The following GRK1 variants were observed in gnomAD, a reference collection of about 807,000 sequenced individuals.
GRK1 encodes the protein rhodopsin kinase GRK1.
A neutral mutation model predicts 41.7 loss-of-function variants in GRK1; 28 were observed. That is an observed-to-expected ratio of 0.67 (90% confidence interval 0.50 to 0.92). GRK1 has a LOEUF of 0.92. GRK1 is among the 40% of genes least tolerant of loss of function. The pLI is 0.00. For missense variants in GRK1, 703 were observed against 671.2 expected (o/e 1.05, Z -0.52); for synonymous variants, 327 against 286.7 (o/e 1.14, Z -1.42).
chr13:113,730,037 G>A (rs1323922337), intron 4 of GRK1, among the ~76,000 whole-genome samples: 1 of 141,534 alleles, frequency 7.1e-6, no homozygotes, highest in Middle Eastern at 4.0e-3. Context: ...CCCCGTGGCT[G>A]CACCCAGACC....
chr13:113,733,745 A>T (rs1435343501), intron 6 of GRK1, among the ~76,000 whole-genome samples: 1 of 106,636 alleles, frequency 9.4e-6, no homozygotes, highest in Non-Finnish European at 2.0e-5. Context: ...GTATGTGTGC[A>T]TACATGTGTG....
intron 6 of GRK1, among the ~76,000 whole-genome samples, chr13:113,733,656 T>C (rs1388993761): frequency 4.1e-5 from 4 of 98,652 alleles, no homozygotes; most frequent in African/African-American, 1.7e-4. Context: ...TGCATACGTG[T>C]GTGTGCGTGT....
the GRK1 span, chr13:113,652,856 A>G: frequency 1.2e-6 from 2 of 1,613,112 alleles, no homozygotes; most frequent in Non-Finnish European, 1.7e-6. Flanking sequence ...CGTGTGAAGG[A>G]GACCCTCAGT....
the GRK1 span, among the ~76,000 whole-genome samples, chr13:113,655,909 G>A: frequency 2.0e-3 from 301 of 152,370 alleles, no homozygotes; most frequent in African/African-American, 6.8e-3. Context: ...AGAGGCTGTG[G>A]CCTGTGGACT....
the GRK1 span, among the ~76,000 whole-genome samples, chr13:113,657,492 G>A: frequency 6.6e-6 from 1 of 152,226 alleles, no homozygotes; most frequent in Non-Finnish European, 1.5e-5. Context: ...CCGCGCCTCT[G>A]TGCAGCCACG....
Position 113,736,815 on chromosome 13 carries a change from T to G in GRK1, c.*1452T>G, listed in dbSNP as rs1195039871. ...CCCGTGAGCCTTGGGGCAGAGCTGG[T>G]GGTAGAAAGAAGCCCTGTCTACTCT... On this transcript the variant is annotated 3_prime_UTR_variant, in exon 7 of 7. Coordinates refer to ENST00000335678, the MANE Select transcript of GRK1 (RefSeq NM_002929.3). The G allele has an allele frequency of 6.6e-6, 1 of 152,200 alleles. No individual in the cohort carries two copies. Among genetic ancestry groups the G allele is most frequent in the Non-Finnish European group, 1.5e-5 (1 of 68,060 alleles). 9.4% of individuals were successfully genotyped at this position (152,200 alleles called of 1,614,324 possible).
Position 113,671,252 on chromosome 13 carries a change from G to GCGGA in GRK1, c.828-245_828-242dup. Among the ~76,000 whole-genome samples the GCGGA allele has an allele frequency of 6.6e-6, 1 of 152,306 alleles. No homozygotes were observed. On this transcript the variant is annotated intron_variant, in intron 2 of 6. Coordinates refer to ENST00000335678, the MANE Select transcript of GRK1 (RefSeq NM_002929.3). This position sits in a 1 kb window ranked among gnomAD's most constrained non-coding sequence, Gnocchi z 4.1. ...ACCTGCGGCCCGCGCTGGAAAGCAG[G>GCGGA]CGGACAGGAGACGCACGTGGACAGC...
chr13:113,724,410 G>C (rs1284727479), intron 4 of GRK1, among the ~76,000 whole-genome samples: 4 of 152,222 alleles, frequency 2.6e-5, no homozygotes, highest in Non-Finnish European at 4.4e-5. Context: ...TTGGCTGTGG[G>C]GAGGCAGTGC....
At chr13:113,666,094 T>A (rs1354713179), upstream of GRK1, among the ~76,000 whole-genome samples, 1 of 146,320 alleles carries the variant, frequency 6.8e-6, no homozygotes, top group Non-Finnish European at 1.5e-5. Flanking sequence ...GTGCACCAGC[T>A]GTATCTCAGG....
At chr13:113,649,331 G>T in the GRK1 span, 1 of 1,558,418 alleles carries the variant, frequency 6.4e-7, no homozygotes, top group East Asian at 2.4e-5. The surrounding 1 kb of genome is among the most constrained non-coding windows in gnomAD (Gnocchi z 4.7). Context: ...GGGTGTCCTT[G>T]AGCGACCCCG....
rs1038964364 is a variant in GRK1 at position 113,671,999 on chromosome 13, C to T, written c.985+343C>T. ...CGGCAGGTCAGGCAAGTGCGAGACA[C>T]GTGCCAGGGCCCTGAGAGAGTGCGT... On this transcript the variant is annotated intron_variant, in intron 3 of 6. Transcript: ENST00000335678. This position sits in a 1 kb window ranked among gnomAD's most constrained non-coding sequence, Gnocchi z 4.1. Among the ~76,000 whole-genome samples, 87 of 151,672 alleles carry T rather than the reference C, an allele frequency of 5.7e-4. 1 individual carries two copies. The highest frequency in any genetic ancestry group is 2.0e-3 in the African/African-American group (81 of 41,324).
At chr13:113,654,546 G>A in the GRK1 span, among the ~76,000 whole-genome samples, 1 of 152,230 alleles carries the variant, frequency 6.6e-6, no homozygotes. Flanking sequence ...TAAAGCCAAA[G>A]TCAGATTTTA....
At chr13:113,649,568 C>T in the GRK1 span, 1 of 1,456,292 alleles carries the variant, frequency 6.9e-7, no homozygotes, top group Non-Finnish European at 9.1e-7. This position sits in a 1 kb window ranked among gnomAD's most constrained non-coding sequence, Gnocchi z 4.7. Flanking sequence ...ACAGGTGTTT[C>T]AAAAATCTCT....
chr13:113,649,549 G>T, the GRK1 span: 1 of 1,497,422 alleles, frequency 6.7e-7, no homozygotes, highest in Non-Finnish European at 8.9e-7. The surrounding 1 kb of genome is among the most constrained non-coding windows in gnomAD (Gnocchi z 4.7). Context: ...AAGTGGGAGT[G>T]AGGAAAGGAC....
At chr13:113,654,593 G>C in the GRK1 span, among the ~76,000 whole-genome samples, 1 of 152,254 alleles carries the variant, frequency 6.6e-6, no homozygotes, top group Non-Finnish European at 1.5e-5. Context: ...AAGAAACTAA[G>C]GGGCCGCTTA....
chr13:113,658,021 C>G, the GRK1 span: 41 of 1,589,206 alleles, frequency 2.6e-5, no homozygotes, highest in Admixed American at 5.2e-5. Flanking sequence ...CCGGCCCGCC[C>G]CCCGCACGTA....
the GRK1 span, chr13:113,650,542 G>T: frequency 1.3e-6 from 2 of 1,560,906 alleles, no homozygotes; most frequent in Non-Finnish European, 1.8e-6. This position sits in a 1 kb window ranked among gnomAD's most constrained non-coding sequence, Gnocchi z 5.0. Flanking sequence ...AGTCAGGCGG[G>T]AGCTGGTGTG....
At chr13:113,649,370 C>G in the GRK1 span, 16 of 1,591,224 alleles carry the variant, frequency 1.0e-5, no homozygotes, top group Non-Finnish European at 1.4e-5. This position sits in a 1 kb window ranked among gnomAD's most constrained non-coding sequence, Gnocchi z 4.7. Context: ...CTGCGCAAAC[C>G]GTTTCACTTC....
Position 113,671,364 on chromosome 13 carries a change from G to T in GRK1, c.828-135G>T. On this transcript the variant is annotated intron_variant, in intron 2 of 6. Transcript: ENST00000335678. The surrounding 1 kb of genome is among the most constrained non-coding windows in gnomAD (Gnocchi z 4.1). ...ATGGCCTTCGGGTGTCCTCTGCAGG[G>T]ACGTAGGGGGGCCAGGCCTCAAAAC... The T allele has an allele frequency of 1.5e-6, 1 of 684,652 alleles. No individual in the cohort carries two copies. The highest frequency in any genetic ancestry group is 2.7e-6 in the Non-Finnish European group (1 of 375,844). 42.4% of individuals were successfully genotyped at this position (684,652 alleles called of 1,614,324 possible).
Sources: gnomAD v4.1 joint callset for allele counts (sites outside exome capture counted in the v4.1 genomes callset) on GRCh38, gnomAD v4.1.1 for gene constraint, Gnocchi (gnomAD v3.1) non-coding constraint, MANE v1.5 for transcripts, NCBI Gene and HGNC (gene_info 2026-07-23, HGNC 2026-07-21) for gene names.